The following CYP2F1 variants were observed in gnomAD, a reference collection of about 807,000 sequenced individuals.
The protein encoded by CYP2F1 is cytochrome P450 2F1.
In CYP2F1, 33 loss-of-function variants were observed where a neutral mutation model predicts 40.4. The ratio of observed to expected loss-of-function variants is 0.82; its 90% CI spans 0.62 to 1.09. The LOEUF (loss-of-function observed/expected upper bound fraction) is 1.09. CYP2F1 is among the 50% of genes least tolerant of loss of function. CYP2F1 has a pLI of 0.00. For synonymous variants in CYP2F1, 235 were observed against 277.2 expected, an observed-to-expected ratio of 0.85 and a Z score of 1.51; for missense variants, 566 against 655.7, an observed-to-expected ratio of 0.86 and a Z score of 1.49.
chr19:41,119,264 C>T (rs574493997), intron 3 of CYP2F1, among the ~76,000 whole-genome samples: 22 of 152,266 alleles, frequency 1.4e-4, no homozygotes, highest in African/African-American at 5.3e-4. Flanking sequence ...TGGATGAATT[C>T]CCAGTGTCCT....
At chr19:41,119,723 C>CTCTATA (rs1478574507) in intron 3 of CYP2F1, among the ~76,000 whole-genome samples, 18 of 35,808 alleles carry the variant, frequency 5.0e-4, no homozygotes, top group African/African-American at 6.0e-4. Flanking sequence ...CTCTCTCTCT[C>CTCTATA]TATATATATA....
Position 41,116,445 on chromosome 19 carries a change from C to T in CYP2F1, c.172-10C>T. ...AGGCCCCCCTGTAACTTCTGTCTTC[C>T]TACCCTCAGCTGAGCAAGGAGTATG... On this transcript the variant is annotated splice_polypyrimidine_tract_variant and intron_variant, in intron 2 of 9. Transcript: ENST00000331105. 1 of 1,608,374 alleles carries T rather than the reference C, an allele frequency of 6.2e-7. No homozygotes were observed. The highest frequency in any genetic ancestry group is 1.3e-5 in the African/African-American group (1 of 74,728).
At chr19:41,123,187 T>C (rs761932938) in intron 7 of CYP2F1, 2 of 667,014 alleles carry the variant, frequency 3.0e-6, no homozygotes, top group Middle Eastern at 2.4e-4. Context: ...GCTTAATTGT[T>C]GGTTTTTTTG....
chr19:41,127,487 C>T (rs2032588797), intron 9 of CYP2F1, among the ~76,000 whole-genome samples: 2 of 152,148 alleles, frequency 1.3e-5, no homozygotes, highest in Non-Finnish European at 2.9e-5. Context: ...AGGCATGTGC[C>T]ACCTTGCACA....
chr19:41,122,772 T>G (rs305975), intron 6 of CYP2F1, 50 bp from the exon 7 acceptor site: 347,534 of 1,505,390 alleles, frequency 0.23, 40,668 homozygotes, highest in South Asian at 0.26. Flanking sequence ...TGGTCTAGAG[T>G]GAAGGGGCCT....
intron 3 of CYP2F1, among the ~76,000 whole-genome samples, chr19:41,117,437 T>G (rs2031887023): frequency 1.3e-5 from 2 of 151,994 alleles, no homozygotes; most frequent in African/African-American, 4.8e-5. Context: ...TGGCCCAAAC[T>G]GAATTCTGCT....
chr19:41,125,764 C>G, intron 9 of CYP2F1, 130 bp downstream of exon 9: 1 of 1,589,298 alleles, frequency 6.3e-7, no homozygotes, highest in Non-Finnish European at 8.6e-7. Context: ...GACATTCATT[C>G]CTCCTCTCAA....
Position 41,116,368 on chromosome 19 carries a change from C to T in CYP2F1, c.171+9C>T, listed in dbSNP as rs775829771. 6.2e-7 allele frequency: 1 copy of T among 1,613,198 alleles called. No homozygotes were observed. Among genetic ancestry groups the T allele is most frequent in the African/African-American group, 1.3e-5 (1 of 74,972 alleles). The stretch of plus-strand genomic sequence containing the variant: ...TGACTTCTCTCACTAAGGTGCAAGG[C>T]CCTTAGCTTGGGTGATGGTGGAAGG... On this transcript the variant is annotated intron_variant, in intron 2 of 9. Coordinates refer to ENST00000331105, the MANE Select transcript of CYP2F1 (RefSeq NM_000774.5).
At chr19:41,115,537 TGATA>T (rs10599245) in intron 1 of CYP2F1, among the ~76,000 whole-genome samples, 31,530 of 151,918 alleles carry the variant, frequency 0.21, 3,425 homozygotes, top group South Asian at 0.27. Context: ...AGACAGGTGA[TGATA>T]GATAGATAAT....
chr19:41,123,674 C>G (rs1258039341), intron 7 of CYP2F1, among the ~76,000 whole-genome samples: 1 of 152,152 alleles, frequency 6.6e-6, no homozygotes, highest in Non-Finnish European at 1.5e-5. Flanking sequence ...CACCACCACA[C>G]TCAATACACT....
At chr19:41,124,342 C>A (rs1296217660) in intron 7 of CYP2F1, among the ~76,000 whole-genome samples, 1 of 139,414 alleles carries the variant, frequency 7.2e-6, no homozygotes, top group Non-Finnish European at 1.5e-5. Flanking sequence ...CAGCTCACTG[C>A]AACCTCCTCC....
Position 41,128,286 on chromosome 19 carries a change from T to G in CYP2F1, c.*204T>G. The G allele has an allele frequency of 1.8e-6, 1 of 541,830 alleles. No individual in the cohort carries two copies. The highest frequency in any genetic ancestry group is 3.2e-6 in the Non-Finnish European group (1 of 311,026). 33.6% of individuals were successfully genotyped at this position (541,830 alleles called of 1,614,324 possible). A position where few individuals can be genotyped will look rare whatever the true frequency, so the allele number is the denominator to read the frequency against. On this transcript the variant is annotated 3_prime_UTR_variant, in exon 10 of 10. Transcript: ENST00000331105. Reference sequence around the variant, plus strand: ...CAGAGGCAGATGTGGCATGTCTTTTTGTACCCACAGAGCTTGTTCTATGGC... The same window carrying G: ...CAGAGGCAGATGTGGCATGTCTTTTGGTACCCACAGAGCTTGTTCTATGGC...
In CYP2F1 at chr19:41,120,366, G is replaced by T. The variant is rs139705553; in HGVS notation, c.354G>T (p.Gly118=). 1,016 of 1,608,542 alleles carry T rather than the reference G, an allele frequency of 6.3e-4. 14 individuals carry two copies. In the East Asian group the frequency reaches 0.018, roughly 28 times the overall value. ...TKGNGIAFSS[G]DRWKVLRQFS... ...CCCCAGGCATCGCCTTCTCCAGTGG[G>T]GATCGATGGAAGGTCCTGAGACAGT... The change falls in exon 4 of 10, where the codon GGG becomes GGT. Residue 118 remains glycine (G), a synonymous_variant. Coordinates refer to ENST00000331105, the MANE Select transcript of CYP2F1 (RefSeq NM_000774.5).
At chr19:41,119,723 C>CTCTCTCTCTCTCTCTCTCTATA (rs1478574507) in intron 3 of CYP2F1, among the ~76,000 whole-genome samples, 3 of 35,830 alleles carry the variant, frequency 8.4e-5, no homozygotes, top group Non-Finnish European at 5.2e-5. Context: ...CTCTCTCTCT[C>CTCTCTCTCTCTCTCTCTCTATA]TATATATATA....
intron 9 of CYP2F1, among the ~76,000 whole-genome samples, chr19:41,126,893 T>A (rs2032566873): frequency 6.6e-6 from 1 of 152,138 alleles, no homozygotes; most frequent in Non-Finnish European, 1.5e-5. Context: ...TTTTGTTTTG[T>A]TTGTTTGTTT....
intron 9 of CYP2F1, 113 bp from the exon 10 acceptor site, chr19:41,127,788 A>G (rs1035947734): frequency 2.7e-6 from 2 of 738,308 alleles, no homozygotes; most frequent in Admixed American, 5.4e-5. Context: ...TGAATCTGTG[A>G]CGTCCCCAGC....
intron 3 of CYP2F1, among the ~76,000 whole-genome samples, chr19:41,117,475 C>T (rs999371914): frequency 6.6e-6 from 1 of 152,066 alleles, no homozygotes; most frequent in Non-Finnish European, 1.5e-5. Flanking sequence ...CCAGCCCCAT[C>T]TCCTAACCCA....
chr19:41,127,704 C>A (rs939578498), intron 9 of CYP2F1, among the ~76,000 whole-genome samples, 197 bp from the exon 10 acceptor site: 4 of 152,146 alleles, frequency 2.6e-5, no homozygotes, highest in African/African-American at 9.7e-5. Flanking sequence ...GTGACAGGGC[C>A]AGGATTCGAA....
intron 3 of CYP2F1, among the ~76,000 whole-genome samples, chr19:41,120,121 T>C (rs1254422153): frequency 6.6e-6 from 1 of 151,882 alleles, no homozygotes; most frequent in African/African-American, 2.4e-5. Context: ...AGGTTCTTAA[T>C]GGGGAAACAG....
Sources: gnomAD v4.1 joint callset for allele counts (sites outside exome capture counted in the v4.1 genomes callset) on GRCh38, gnomAD v4.1.1 for gene constraint, MANE v1.5 for transcripts, NCBI Gene and HGNC (gene_info 2026-07-23, HGNC 2026-07-21) for gene names.